The following VAMP1 variants were observed in gnomAD, a reference collection of about 807,000 sequenced individuals.
VAMP1 encodes the protein vesicle associated membrane protein 1.
In VAMP1, 16 loss-of-function variants were observed where a neutral mutation model predicts 19.1. That is an observed-to-expected ratio of 0.84 (90% confidence interval 0.57 to 1.27). VAMP1 has a LOEUF of 1.27. VAMP1 is among the 50% of genes most tolerant of loss of function. VAMP1 has a pLI of 0.00. For synonymous variants in VAMP1, 37 were observed against 50.2 expected, an observed-to-expected ratio of 0.74 and a Z score of 1.11; for missense variants, 109 against 145.4, an observed-to-expected ratio of 0.75 and a Z score of 1.29.
chr12:6,466,513 T>G, intron 1 of VAMP1, 162 bp from the exon 2 acceptor site: 1 of 641,700 alleles, frequency 1.6e-6, no homozygotes, highest in Non-Finnish European at 2.5e-6. Context: ...CGAGACCCCA[T>G]CTCTAAAAAA....
rs753475010 is a variant in VAMP1, at chr12:6,464,101, C to A, written c.*369G>T. On this transcript the variant is annotated 3_prime_UTR_variant, in exon 5 of 5. Transcript: ENST00000396308. ...GTTTTCTAGAAGTCACCATGGGCACCGATACTCTTCTCCTCCCAAGTCTGG... is the reference window on the plus strand; with the variant it reads ...GTTTTCTAGAAGTCACCATGGGCACAGATACTCTTCTCCTCCCAAGTCTGG... 1 of 1,317,638 alleles carries A rather than the reference C, an allele frequency of 7.6e-7. No homozygotes were observed. Among genetic ancestry groups the A allele is most frequent in the Non-Finnish European group, 9.9e-7 (1 of 1,007,274 alleles). 81.6% of individuals were successfully genotyped at this position (1,317,638 alleles called of 1,614,324 possible).
chr12:6,463,185 C>G lies in VAMP1; in HGVS notation c.*1285G>C. 7.0e-7 allele frequency: 1 copy of G among 1,437,442 alleles called. No homozygotes were observed. Among genetic ancestry groups the G allele is most frequent in the Non-Finnish European group, 9.1e-7 (1 of 1,100,144 alleles). 89.0% of individuals were successfully genotyped at this position (1,437,442 alleles called of 1,614,324 possible). On this transcript the variant is annotated 3_prime_UTR_variant, in exon 5 of 5. Coordinates refer to ENST00000396308, the MANE Select transcript of VAMP1 (RefSeq NM_014231.5). This position sits in a 1 kb window ranked among gnomAD's most constrained non-coding sequence, Gnocchi z 4.0. ...GCAAAGAGGAGGAAGAGAAAGGAGG[C>G]AAAGTAGAATTCAGACAGGAAAGGG... is the stretch of plus-strand genomic sequence containing the variant.
At chr12:6,465,388 A>ATATATATATAAATGTATATATACG (rs1491122233) in intron 3 of VAMP1, 1 of 75,522 alleles carries the variant, frequency 1.3e-5, no homozygotes, top group Non-Finnish European at 2.5e-5. Flanking sequence ...ATATATATGT[A>ATATATATATAAATGTATATATACG]TATATATATA....
chr12:6,470,503 C>CGA (rs758711962), intron 1 of VAMP1, 27 bp downstream of exon 1: 1 of 1,613,806 alleles, frequency 6.2e-7, no homozygotes, highest in Non-Finnish European at 8.5e-7. Context: ...AAGGAGGTGC[C>CGA]GAGCCCCCAC....
At position 6,463,657 on chromosome 12, in the gene VAMP1, T is replaced by A. The variant is rs1314749333; in HGVS notation, c.*813A>T. The stretch of plus-strand genomic sequence containing the variant: ...CAATTAACTGGGAGCTAGGTTAAAT[T>A]ATTTGGCTAGATAAAACTACCAGCT... On this transcript the variant is annotated 3_prime_UTR_variant, in exon 5 of 5. Transcript: ENST00000396308. The surrounding 1 kb of genome is among the most constrained non-coding windows in gnomAD (Gnocchi z 4.0). The A allele has an allele frequency of 9.2e-7, 1 of 1,086,808 alleles. No individual in the cohort carries two copies. The highest frequency in any genetic ancestry group is 1.1e-6 in the Non-Finnish European group (1 of 888,990). The allele number at this position is 1,086,808 out of a possible 1,614,324, so 67.3% of individuals were successfully genotyped here.
chr12:6,470,166 T>A (rs1035615059), intron 1 of VAMP1, among the ~76,000 whole-genome samples: 2 of 152,194 alleles, frequency 1.3e-5, no homozygotes, highest in African/African-American at 2.4e-5. Context: ...TTTAGCCAGA[T>A]GACAGAAATA....
At chr12:6,470,098 TA>T (rs1470314557) in intron 1 of VAMP1, among the ~76,000 whole-genome samples, 8 of 152,230 alleles carry the variant, frequency 5.3e-5, no homozygotes, top group African/African-American at 1.9e-4. Flanking sequence ...TAGGGCAACA[TA>T]AGTTACCAAC....
In VAMP1 at chr12:6,463,351, G is replaced by A; in HGVS notation, c.*1119C>T. The stretch of plus-strand genomic sequence containing the variant: ...CAAGGTGGGGCTGGTGGGTCTACAT[G>A]ACTTCTCTGCATCCTGAGGATCGGC... On this transcript the variant is annotated 3_prime_UTR_variant, in exon 5 of 5. Coordinates refer to ENST00000396308, the MANE Select transcript of VAMP1 (RefSeq NM_014231.5). This position sits in a 1 kb window ranked among gnomAD's most constrained non-coding sequence, Gnocchi z 4.0. 8.8e-7 allele frequency: 1 copy of A among 1,134,324 alleles called. No homozygotes were observed. The highest frequency in any genetic ancestry group is 1.1e-6 in the Non-Finnish European group (1 of 919,458). 70.3% of individuals were successfully genotyped at this position (1,134,324 alleles called of 1,614,324 possible).
chr12:6,468,523 G>A (rs1945686432), intron 1 of VAMP1, among the ~76,000 whole-genome samples: 1 of 152,202 alleles, frequency 6.6e-6, no homozygotes, highest in African/African-American at 2.4e-5. Flanking sequence ...AGCATAGACA[G>A]GAAGCAAAAA....
Position 6,463,729 on chromosome 12 carries a change from AAAG to A in VAMP1, c.*738_*740del. On this transcript the variant is annotated 3_prime_UTR_variant, in exon 5 of 5. Transcript: ENST00000396308. This position sits in a 1 kb window ranked among gnomAD's most constrained non-coding sequence, Gnocchi z 4.0. ...TCATACAGAATGCTGTAGAAAATGT[AAAG>A]AAGAGAAAGCTCCTTCCAGCTAGAA... 19 of 1,154,988 alleles carry A rather than the reference AAAG, an allele frequency of 1.6e-5. No individual in the cohort carries two copies. Among genetic ancestry groups the A allele is most frequent in the Non-Finnish European group, 1.8e-5 (17 of 926,544 alleles). The allele number at this position is 1,154,988 out of a possible 1,614,324, so 71.5% of individuals were successfully genotyped here. A position where few individuals can be genotyped will look rare whatever the true frequency, so the allele number is the denominator to read the frequency against.
intron 2 of VAMP1, 67 bp from the exon 3 acceptor site, chr12:6,466,067 G>C (rs752893199): frequency 6.2e-7 from 1 of 1,612,188 alleles, no homozygotes; most frequent in Non-Finnish European, 8.5e-7. Context: ...ACAACAACCA[G>C]AGAATCACAA....
chr12:6,464,013 A>C lies in VAMP1; in HGVS notation c.*457T>G, dbSNP rs1035459000. The C allele has an allele frequency of 7.7e-7, 1 of 1,292,870 alleles. No individual in the cohort carries two copies. Among genetic ancestry groups the C allele is most frequent in the Non-Finnish European group, 1.0e-6 (1 of 991,252 alleles). The allele number at this position is 1,292,870 out of a possible 1,614,324, so 80.1% of individuals were successfully genotyped here. A position where few individuals can be genotyped will look rare whatever the true frequency, so the allele number is the denominator to read the frequency against. On this transcript the variant is annotated 3_prime_UTR_variant, in exon 5 of 5. Coordinates refer to ENST00000396308, the MANE Select transcript of VAMP1 (RefSeq NM_014231.5). ...GGTCCAGGAAGGAAAGCTCCACATG[A>C]CCAGGCAGTACTGAGTGAGCTGCCA... is the stretch of plus-strand genomic sequence containing the variant.
chr12:6,469,904 CGAAT>C (rs1945727883), intron 1 of VAMP1, among the ~76,000 whole-genome samples: 1 of 152,198 alleles, frequency 6.6e-6, no homozygotes, highest in South Asian at 2.1e-4. Context: ...ATCTCCTATA[CGAAT>C]GGCCTTGGTA....
Position 6,463,379 on chromosome 12 carries a change from G to T in VAMP1, c.*1091C>A. 1 of 1,086,848 alleles carries T rather than the reference G, an allele frequency of 9.2e-7. No homozygotes were observed. Among genetic ancestry groups the T allele is most frequent in the Admixed American group, 4.8e-5 (1 of 20,664 alleles). 67.3% of individuals were successfully genotyped at this position (1,086,848 alleles called of 1,614,324 possible). On this transcript the variant is annotated 3_prime_UTR_variant, in exon 5 of 5. Transcript: ENST00000396308. The surrounding 1 kb of genome is among the most constrained non-coding windows in gnomAD (Gnocchi z 4.0). ...TTCTCTGCATCCTGAGGATCGGCCG[G>T]GCCCCAGGAAGAACCACTTGCCTCA...
At chr12:6,466,463 G>A (rs1950028134) in intron 1 of VAMP1, 112 bp from the exon 2 acceptor site, 4 of 1,254,602 alleles carry the variant, frequency 3.2e-6, no homozygotes, top group Admixed American at 2.7e-5. Flanking sequence ...TGGGAGGAGC[G>A]CTTGAGCCCA....
chr12:6,465,220 A>G (rs1949973641), intron 3 of VAMP1: 1 of 484,768 alleles, frequency 2.1e-6, no homozygotes, highest in Non-Finnish European at 3.9e-6. Context: ...AGGCATTCCA[A>G]TAGAGATACA....
At position 6,463,644 on chromosome 12, in the gene VAMP1, A is replaced by G. The variant is rs1949935373; in HGVS notation, c.*826T>C. Reference sequence around the variant, plus strand: ...CTCTTTATGCCAACAATTAACTGGGAGCTAGGTTAAATTATTTGGCTAGAT... The same window carrying G: ...CTCTTTATGCCAACAATTAACTGGGGGCTAGGTTAAATTATTTGGCTAGAT... On this transcript the variant is annotated 3_prime_UTR_variant, in exon 5 of 5. Transcript: ENST00000396308. This position sits in a 1 kb window ranked among gnomAD's most constrained non-coding sequence, Gnocchi z 4.0. 1 of 1,085,232 alleles carries G rather than the reference A, an allele frequency of 9.2e-7. No homozygotes were observed. Among genetic ancestry groups the G allele is most frequent in the Admixed American group, 4.9e-5 (1 of 20,284 alleles). 67.2% of individuals were successfully genotyped at this position (1,085,232 alleles called of 1,614,324 possible).
chr12:6,465,908 T>C lies in VAMP1; in HGVS notation c.222A>G (p.Ala74=), dbSNP rs2137008216. ...CACTGCTCTCAAATTGTGATGCTCC[T>C]GCCTGCAAGGCATCAGCTCGGTCAT... ...ELDDRADALQ[A]GASQFESSAA... is the part of the protein sequence containing the mutation. The change falls in exon 3 of 5, where the codon GCA becomes GCG. Residue 74 remains alanine (A), a synonymous_variant. Transcript: ENST00000396308. 3 of 1,614,274 alleles carry C rather than the reference T, an allele frequency of 1.9e-6. No homozygotes were observed. The highest frequency in any genetic ancestry group is 2.5e-6 in the Non-Finnish European group (3 of 1,180,048).
chr12:6,463,313 G>A lies in VAMP1; in HGVS notation c.*1157C>T. The A allele has an allele frequency of 8.3e-7, 1 of 1,204,422 alleles. No individual in the cohort carries two copies. 74.6% of individuals were successfully genotyped at this position (1,204,422 alleles called of 1,614,324 possible). On this transcript the variant is annotated 3_prime_UTR_variant, in exon 5 of 5. Transcript: ENST00000396308. This position sits in a 1 kb window ranked among gnomAD's most constrained non-coding sequence, Gnocchi z 4.0. ...ACACAAGCACACCTGACACAGGCTG[G>A]CACGCCTCCCCCCAAGGTGGGGCTG... is the stretch of plus-strand genomic sequence containing the variant.
Sources: allele counts gnomAD v4.1 joint callset (sites outside exome capture counted in the v4.1 genomes callset), GRCh38; gene constraint gnomAD v4.1.1; non-coding constraint Gnocchi (gnomAD v3.1); transcripts MANE v1.5; gene names NCBI Gene and HGNC (gene_info 2026-07-23, HGNC 2026-07-21).